SLC35D1: variants seen among roughly 807,000 people sequenced by gnomAD.
SLC35D1 encodes solute carrier family 35 member D1, also known as nucleotide sugar transporter SLC35D1.
Under a neutral mutation model 46.7 loss-of-function variants are expected in SLC35D1, and 31 were observed. That is an observed-to-expected ratio of 0.66 (90% confidence interval 0.50 to 0.90). SLC35D1 has a LOEUF of 0.90. Among genes scored for constraint, SLC35D1 ranks in the 40% least tolerant of loss-of-function variants. The pLI, the probability that SLC35D1 is intolerant of heterozygous loss-of-function variation, is 0.00. For missense variants in SLC35D1, 397 were observed against 426.2 expected (o/e 0.93, Z 0.60); for synonymous variants, 195 against 164.6 (o/e 1.18, Z -1.41).
the SLC35D1 span, chr1:66,976,810 CT>C: frequency 8.4e-7 from 1 of 1,193,260 alleles, no homozygotes; most frequent in South Asian, 1.9e-5. Flanking sequence ...TTTTGATAAT[CT>C]TGCTTTTATA....
the SLC35D1 span, chr1:66,985,849 TAAGGGCAAG>T: frequency 1.2e-6 from 1 of 810,772 alleles, no homozygotes; most frequent in Admixed American, 6.3e-5. Context: ...AATTTCTACT[TAAGGGCAAG>T]TAATTTGAGA....
chr1:66,979,272 C>T, the SLC35D1 span, among the ~76,000 whole-genome samples: 3 of 152,146 alleles, frequency 2.0e-5, no homozygotes, highest in African/African-American at 7.2e-5. Context: ...TTAATAGCTG[C>T]ACTTTAAGTG....
At position 67,004,221 on chromosome 1, in the gene SLC35D1, G is replaced by C. The variant is rs1041771914; in HGVS notation, c.*119C>G. On this transcript the variant is annotated 3_prime_UTR_variant, in exon 12 of 12. Coordinates refer to ENST00000235345, the MANE Select transcript of SLC35D1 (RefSeq NM_015139.3). ...AGCAATCAATCCTCAGATTGTACAAGTGCAAAGGAATGGTTATTTCCTCCA... is the reference window on the plus strand; with the variant it reads ...AGCAATCAATCCTCAGATTGTACAACTGCAAAGGAATGGTTATTTCCTCCA... 10 of 842,694 alleles carry C rather than the reference G, an allele frequency of 1.2e-5. No homozygotes were observed. The highest frequency in any genetic ancestry group is 2.0e-5 in the Non-Finnish European group (10 of 500,774). 52.2% of individuals were successfully genotyped at this position (842,694 alleles called of 1,614,324 possible).
At chr1:67,034,182 G>A (rs1291008630) in intron 8 of SLC35D1, among the ~76,000 whole-genome samples, 1 of 152,076 alleles carries the variant, frequency 6.6e-6, no homozygotes, top group Non-Finnish European at 1.5e-5. Flanking sequence ...TGGGTCTTTT[G>A]TGGTTCCACA....
At chr1:67,037,722 C>T (rs1668152291) in intron 8 of SLC35D1, among the ~76,000 whole-genome samples, 1 of 152,150 alleles carries the variant, frequency 6.6e-6, no homozygotes, top group East Asian at 1.9e-4. Context: ...CAGATATTTT[C>T]TTAGTGTTTT....
At chr1:67,010,387 T>C (rs1217470736) in intron 10 of SLC35D1, among the ~76,000 whole-genome samples, 2 of 152,174 alleles carry the variant, frequency 1.3e-5, no homozygotes, top group African/African-American at 4.8e-5. Context: ...GTGGGGACTT[T>C]ACCAATACAA....
downstream of SLC35D1, among the ~76,000 whole-genome samples, chr1:66,998,103 C>T (rs1178258500): frequency 8.4e-6 from 1 of 119,278 alleles, no homozygotes; most frequent in Non-Finnish European, 1.7e-5. Context: ...ATGGGCCAGC[C>T]ATAATGGAAA....
At chr1:66,978,646 T>C in the SLC35D1 span, among the ~76,000 whole-genome samples, 1 of 152,224 alleles carries the variant, frequency 6.6e-6, no homozygotes, top group Non-Finnish European at 1.5e-5. Flanking sequence ...TAACATCTTT[T>C]ATTTTTTTCA....
the SLC35D1 span, chr1:66,988,043 A>G: frequency 6.6e-6 from 1 of 152,304 alleles, no homozygotes; most frequent in African/African-American, 2.4e-5. Context: ...TTTCTTTGCT[A>G]TCGATGGATA....
chr1:66,982,736 C>T, the SLC35D1 span, among the ~76,000 whole-genome samples: 4 of 152,236 alleles, frequency 2.6e-5, no homozygotes, highest in African/African-American at 9.6e-5. Flanking sequence ...GACCTTTGGT[C>T]TCACATTGGT....
At chr1:66,985,804 G>A in the SLC35D1 span, 40,746 of 839,530 alleles carry the variant, frequency 0.049, 3,500 homozygotes, top group African/African-American at 0.35. Context: ...CATTCATAAA[G>A]GATTATAAAA....
At chr1:66,980,536 T>G in the SLC35D1 span, among the ~76,000 whole-genome samples, 2 of 152,210 alleles carry the variant, frequency 1.3e-5, no homozygotes, top group African/African-American at 2.4e-5. Context: ...TAATAGCATA[T>G]TATAGACTAT....
the SLC35D1 span, chr1:66,976,567 C>T: frequency 1.3e-6 from 2 of 1,533,482 alleles, no homozygotes; most frequent in Non-Finnish European, 1.8e-6. Context: ...AAAGGAGATT[C>T]TTAAAAGCAA....
At chr1:67,049,293 C>CA (rs1334400228) in intron 6 of SLC35D1, among the ~76,000 whole-genome samples, 163 of 105,056 alleles carry the variant, frequency 1.6e-3, no homozygotes, top group Middle Eastern at 5.9e-3. Flanking sequence ...GACTCCGTCT[C>CA]AAAAAAAAAA....
the SLC35D1 span, among the ~76,000 whole-genome samples, chr1:66,981,193 G>C: frequency 1.3e-5 from 2 of 152,166 alleles, no homozygotes; most frequent in Non-Finnish European, 2.9e-5. Context: ...CAGTTACGTA[G>C]TTCAGGAATG....
At chr1:67,016,750 A>G (rs1321333250) in intron 10 of SLC35D1, among the ~76,000 whole-genome samples, 2 of 152,178 alleles carry the variant, frequency 1.3e-5, no homozygotes, top group Non-Finnish European at 2.9e-5. Flanking sequence ...AATTATTTAG[A>G]TAAGTTCAAT....
chr1:67,050,618 C>A, intron 4 of SLC35D1, 114 bp from the exon 5 acceptor site: 1 of 861,122 alleles, frequency 1.2e-6, no homozygotes, highest in Non-Finnish European at 1.9e-6. Context: ...AAATTCCATA[C>A]AAATTAATTT....
chr1:66,993,831 T>C, the SLC35D1 span, among the ~76,000 whole-genome samples: 2 of 152,188 alleles, frequency 1.3e-5, no homozygotes, highest in Non-Finnish European at 2.9e-5. Context: ...TTTACTGTGG[T>C]ATAGCAGGCA....
At chr1:66,992,169 C>T in the SLC35D1 span, among the ~76,000 whole-genome samples, 1 of 152,192 alleles carries the variant, frequency 6.6e-6, no homozygotes, top group Admixed American at 6.5e-5. Flanking sequence ...ACATGAATTT[C>T]AGGTCAGATT....
Sources: gnomAD v4.1 joint callset for allele counts (sites outside exome capture counted in the v4.1 genomes callset) on GRCh38, gnomAD v4.1.1 for gene constraint, MANE v1.5 for transcripts, NCBI Gene and HGNC (gene_info 2026-07-23, HGNC 2026-07-21) for gene names.